KLRG1: variants seen among roughly 807,000 people sequenced by gnomAD.
The protein encoded by KLRG1 is killer cell lectin like receptor G1.
KLRG1 carries 16 observed loss-of-function variants against 21.8 expected under a neutral mutation model. The observed-to-expected ratio is 0.73, with a 90% CI of 0.50 to 1.11. The LOEUF is 1.11. KLRG1 is among the 50% of genes most tolerant of loss of function. The probability of loss-of-function intolerance (pLI) is 0.00; values close to 1 mark genes in which losing one functional copy is unlikely to be tolerated. For missense variants in KLRG1, 173 were observed against 218.3 expected, an observed-to-expected ratio of 0.79 and a Z score of 1.31; for synonymous variants, 69 against 75.9, an observed-to-expected ratio of 0.91 and a Z score of 0.47.
At chr12:9,165,503 C>A in the KLRG1 span, 1 of 963,214 alleles carries the variant, frequency 1.0e-6, no homozygotes, top group Non-Finnish European at 1.5e-6. Flanking sequence ...TTCGTGTGAA[C>A]ACTAGATTAT....
chr12:9,024,061 C>T, the KLRG1 span, among the ~76,000 whole-genome samples: 7 of 104,386 alleles, frequency 6.7e-5, no homozygotes, highest in Non-Finnish European at 1.0e-4. Flanking sequence ...CAGAGTCTCT[C>T]TCTATTGCCC....
the KLRG1 span, chr12:9,150,824 TTCTTTGAC>T: frequency 1.3e-5 from 12 of 913,778 alleles, no homozygotes; most frequent in South Asian, 1.7e-4. Context: ...ATTCTTATTG[TTCTTTGAC>T]TCTTTTTCAC....
chr12:9,144,181 G>C, the KLRG1 span, among the ~76,000 whole-genome samples: 7 of 151,260 alleles, frequency 4.6e-5, no homozygotes, highest in Admixed American at 2.6e-4. Flanking sequence ...GAGAGAGAGA[G>C]AGAGACAGAG....
chr12:9,028,553 G>C, the KLRG1 span, among the ~76,000 whole-genome samples: 1 of 147,898 alleles, frequency 6.8e-6, no homozygotes, highest in African/African-American at 2.5e-5. Flanking sequence ...AAGTGATTCT[G>C]CTGCCTCAGC....
At chr12:8,996,131 A>T (rs1358055637) in intron 3 of KLRG1, among the ~76,000 whole-genome samples, 1 of 152,138 alleles carries the variant, frequency 6.6e-6, no homozygotes, top group Non-Finnish European at 1.5e-5. Context: ...GAAAGTTGGG[A>T]TATAAGGAAG....
the KLRG1 span, among the ~76,000 whole-genome samples, chr12:9,060,160 A>T: frequency 6.6e-6 from 1 of 151,810 alleles, no homozygotes; most frequent in Admixed American, 6.6e-5. Flanking sequence ...GCCCGCCACC[A>T]CATCCGGCTA....
At chr12:8,983,430 C>T (rs1303181353) in intron 1 of KLRG1, among the ~76,000 whole-genome samples, 3 of 94,202 alleles carry the variant, frequency 3.2e-5, no homozygotes, top group African/African-American at 4.4e-5. Flanking sequence ...GACAGAGTTT[C>T]GCTCTTGTTG....
At chr12:9,054,063 G>A in the KLRG1 span, among the ~76,000 whole-genome samples, 13 of 152,278 alleles carry the variant, frequency 8.5e-5, no homozygotes, top group South Asian at 1.5e-3. Flanking sequence ...CTCTGTGAAC[G>A]TTAAACCCTT....
upstream of KLRG1, among the ~76,000 whole-genome samples, chr12:8,988,969 GTTATC>G (rs903915455): frequency 6.6e-6 from 1 of 151,970 alleles, no homozygotes; most frequent in Non-Finnish European, 1.5e-5. Context: ...CTTCTTTTTA[GTTATC>G]TTTGCATGAA....
At chr12:9,058,348 A>G in the KLRG1 span, 10 of 152,356 alleles carry the variant, frequency 6.6e-5, no homozygotes. Context: ...AACACTTCCT[A>G]TCCTTGATTA....
the KLRG1 span, among the ~76,000 whole-genome samples, chr12:9,124,654 G>C: frequency 6.6e-6 from 1 of 152,186 alleles, no homozygotes; most frequent in African/African-American, 2.4e-5. Flanking sequence ...CTGCACCCTC[G>C]AGAGCCGGGA....
At chr12:9,016,675 C>T in the KLRG1 span, among the ~76,000 whole-genome samples, 8 of 152,136 alleles carry the variant, frequency 5.3e-5, 1 homozygote, top group South Asian at 6.2e-4. Flanking sequence ...TGCAGTGGCA[C>T]GATCTCGGCC....
rs1450728288 is a variant in KLRG1 at position 8,954,852 on chromosome 12, A to G, written c.-156+4616A>G. ...GCAAGCCTACTAGTAAGAGTTCCAT[A>G]TTTGTTTAAAGTTCTGGTTTCTCTT... On this transcript the variant is annotated intron_variant, in intron 1 of 4. Coordinates refer to the KLRG1 transcript ENST00000539240. 2.6e-5 allele frequency among the ~76,000 whole-genome samples: 4 copies of G among 152,276 alleles called. No individual in the cohort carries two copies. The East Asian group carries it at 5.8e-4, about 22-fold the overall frequency.
the KLRG1 span, chr12:9,112,018 G>C: frequency 1.2e-6 from 1 of 836,452 alleles, no homozygotes; most frequent in African/African-American, 1.7e-5. Context: ...TTTTAGATTA[G>C]GATCTTGTGC....
At chr12:9,156,798 T>C in the KLRG1 span, among the ~76,000 whole-genome samples, 3 of 152,226 alleles carry the variant, frequency 2.0e-5, no homozygotes, top group Non-Finnish European at 4.4e-5. Context: ...TCAGAAGGAA[T>C]ATATTTCTTC....
chr12:9,013,786 A>G (rs1170264566), downstream of KLRG1, among the ~76,000 whole-genome samples: 1 of 152,090 alleles, frequency 6.6e-6, no homozygotes, highest in African/African-American at 2.4e-5. Flanking sequence ...CTCCCACAAC[A>G]TGTGGGAATT....
chr12:9,103,812 C>G, the KLRG1 span, among the ~76,000 whole-genome samples: 4 of 152,082 alleles, frequency 2.6e-5, no homozygotes, highest in African/African-American at 7.2e-5. Flanking sequence ...CTGTTCATCC[C>G]TTGATGGACA....
the KLRG1 span, among the ~76,000 whole-genome samples, chr12:9,084,646 A>C: frequency 0.16 from 23,816 of 152,092 alleles, 1,999 homozygotes; most frequent in African/African-American, 0.2. Flanking sequence ...ACCAGAAAAC[A>C]ACAAAATGGT....
At chr12:9,204,184 T>G in the KLRG1 span, among the ~76,000 whole-genome samples, 5 of 152,176 alleles carry the variant, frequency 3.3e-5, no homozygotes, top group Non-Finnish European at 5.9e-5. Flanking sequence ...GAGATTGCTT[T>G]CCAAGATGTT....
Sources: allele counts gnomAD v4.1 joint callset (sites outside exome capture counted in the v4.1 genomes callset), GRCh38; gene constraint gnomAD v4.1.1; transcripts MANE v1.5; gene names NCBI Gene and HGNC (gene_info 2026-07-23, HGNC 2026-07-21).